The following CADPS variants were observed in gnomAD, a reference collection of about 807,000 sequenced individuals.
CADPS encodes the protein calcium dependent secretion activator.
Under a neutral mutation model 167.3 loss-of-function variants are expected in CADPS, and 57 were observed. The ratio of observed to expected loss-of-function variants is 0.34; its 90% CI spans 0.28 to 0.42. CADPS has a LOEUF of 0.42. Among genes scored for constraint, CADPS ranks in the 20% least tolerant of loss-of-function variants. The probability of loss-of-function intolerance (pLI) is 1.00; values close to 1 mark genes in which losing one functional copy is unlikely to be tolerated. For synonymous variants in CADPS, 676 were observed against 635.3 expected (o/e 1.06, Z -0.96); for missense variants, 1,414 against 1,738.1 (o/e 0.81, Z 3.32).
chr3:62,698,922 T>G (rs13101190), intron 3 of CADPS, among the ~76,000 whole-genome samples: 2 of 151,428 alleles, frequency 1.3e-5, no homozygotes, highest in Non-Finnish European at 2.9e-5. Context: ...TTAAAATTTC[T>G]GACTGATAAT....
chr3:62,869,344 C>T (rs981663905), intron 1 of CADPS, among the ~76,000 whole-genome samples: 6 of 152,072 alleles, frequency 3.9e-5, no homozygotes, highest in African/African-American at 1.2e-4. Context: ...GTCACTCAAC[C>T]TCTTTTTTGA....
rs1459873012 is a variant in CADPS at position 62,596,128 on chromosome 3, CACACACACACACACAT to C, written c.1326-3396_1326-3381del. On this transcript the variant is annotated intron_variant, in intron 6 of 29. Coordinates refer to ENST00000383710, the MANE Select transcript of CADPS (RefSeq NM_003716.4). The stretch of plus-strand genomic sequence containing the variant: ...ACACACACACACACACACACACACA[CACACACACACACACAT>C]ATCCTATTAGTTTTGTCCCTCTGGA... 8.2e-4 allele frequency among the ~76,000 whole-genome samples: 87 copies of C among 105,558 alleles called. 1 individual carries two copies. In the East Asian group the frequency reaches 0.019, roughly 24 times the overall value. The allele number at this position is 105,558 out of a possible 152,430, so 69.3% of individuals were successfully genotyped here.
chr3:62,862,508 C>G (rs2080995714), intron 1 of CADPS, among the ~76,000 whole-genome samples: 1 of 152,094 alleles, frequency 6.6e-6, no homozygotes, highest in African/African-American at 2.4e-5. Flanking sequence ...TGTGCCCTGC[C>G]AAGGTTTAAG....
At chr3:62,681,533 G>A (rs557574393) in intron 3 of CADPS, among the ~76,000 whole-genome samples, 13 of 152,024 alleles carry the variant, frequency 8.6e-5, no homozygotes, top group Non-Finnish European at 1.8e-4. Context: ...CTATCTTGAT[G>A]TTATTATTTG....
At chr3:62,811,860 G>C (rs1288794396) in intron 1 of CADPS, among the ~76,000 whole-genome samples, 1 of 152,158 alleles carries the variant, frequency 6.6e-6, no homozygotes, top group Non-Finnish European at 1.5e-5. Flanking sequence ...CATTATGTGG[G>C]AGTATGAATT....
chr3:62,574,507 G>A (rs1344600846), intron 8 of CADPS, among the ~76,000 whole-genome samples: 1 of 152,152 alleles, frequency 6.6e-6, no homozygotes, highest in Non-Finnish European at 1.5e-5. Context: ...TCAACCTTGT[G>A]CTGCTGATGA....
At chr3:62,457,267 T>A (rs1368002593) in intron 26 of CADPS, among the ~76,000 whole-genome samples, 6 of 152,206 alleles carry the variant, frequency 3.9e-5, no homozygotes, top group Admixed American at 2.0e-4. Flanking sequence ...TTTTACAGAT[T>A]AGGCAACTAA....
intron 26 of CADPS, among the ~76,000 whole-genome samples, chr3:62,456,825 A>G (rs2058741552): frequency 1.3e-5 from 2 of 152,016 alleles, no homozygotes. Flanking sequence ...AGTGTTTGCC[A>G]ATTTCAGTAA....
chr3:62,805,959 C>A (rs1359164477), intron 1 of CADPS, among the ~76,000 whole-genome samples: 1 of 152,140 alleles, frequency 6.6e-6, no homozygotes, highest in African/African-American at 2.4e-5. Context: ...CCTGCCTCTG[C>A]AAACTATGGG....
chr3:62,584,388 C>T (rs2084111013), intron 8 of CADPS, among the ~76,000 whole-genome samples: 1 of 152,198 alleles, frequency 6.6e-6, no homozygotes, highest in South Asian at 2.1e-4. Context: ...ATTAACGAGA[C>T]CTCTCTAGGG....
intron 21 of CADPS, among the ~76,000 whole-genome samples, chr3:62,488,683 T>G (rs1271210929): frequency 6.6e-6 from 1 of 151,562 alleles, no homozygotes; most frequent in East Asian, 1.9e-4. Context: ...AGAGATGGAG[T>G]CTGGTTATGT....
intron 1 of CADPS, among the ~76,000 whole-genome samples, chr3:62,840,578 T>C (rs2076509936): frequency 6.6e-6 from 1 of 152,156 alleles, no homozygotes; most frequent in Non-Finnish European, 1.5e-5. Flanking sequence ...TATATATGTA[T>C]ATATAAAAAA....
At chr3:62,838,231 A>G (rs1293258268) in intron 1 of CADPS, among the ~76,000 whole-genome samples, 1 of 152,180 alleles carries the variant, frequency 6.6e-6, no homozygotes, top group Non-Finnish European at 1.5e-5. Context: ...TGACATGATG[A>G]GGCTTGGAGA....
In CADPS at chr3:62,500,920, A is replaced by G. The variant is rs1422336309; in HGVS notation, c.2600-1652T>C. ...AAATAAATTCAGCGAGACACTATGC[A>G]AGAAGAGTGTTCTAGCAAATGGGAT... On this transcript the variant is annotated intron_variant, in intron 17 of 29. Transcript: ENST00000383710. Among the ~76,000 whole-genome samples, 3 of 152,350 alleles carry G rather than the reference A, an allele frequency of 2.0e-5. No homozygotes were observed. In the East Asian group the frequency reaches 5.8e-4, roughly 29 times the overall value.
chr3:62,498,189 GAA>G, intron 18 of CADPS: 1 of 456,472 alleles, frequency 2.2e-6, no homozygotes, highest in South Asian at 1.5e-5. Context: ...TAAAATAGTA[GAA>G]AAACAGGGAG....
intron 6 of CADPS, among the ~76,000 whole-genome samples, chr3:62,621,141 C>T (rs773556153): frequency 2.0e-5 from 3 of 152,174 alleles, no homozygotes; most frequent in Non-Finnish European, 4.4e-5. Flanking sequence ...AAAGACAAAT[C>T]TCTGGATATG....
At chr3:62,867,923 A>G (rs1323540003) in intron 1 of CADPS, among the ~76,000 whole-genome samples, 1 of 152,104 alleles carries the variant, frequency 6.6e-6, no homozygotes, top group Non-Finnish European at 1.5e-5. Context: ...GTCTAAGATC[A>G]CAGAGCGAGA....
intron 3 of CADPS, among the ~76,000 whole-genome samples, chr3:62,681,344 C>T (rs1217700006): frequency 6.6e-6 from 1 of 152,074 alleles, no homozygotes; most frequent in Non-Finnish European, 1.5e-5. Flanking sequence ...GGTGTGGTCA[C>T]CTGACTGACC....
intron 8 of CADPS, among the ~76,000 whole-genome samples, chr3:62,576,617 C>T (rs1304472140): frequency 1.2e-5 from 1 of 86,540 alleles, no homozygotes; most frequent in Non-Finnish European, 2.3e-5. Context: ...ATGGTGAAGA[C>T]CCATTTCTAC....
Sources: allele counts gnomAD v4.1 joint callset (sites outside exome capture counted in the v4.1 genomes callset), GRCh38; gene constraint gnomAD v4.1.1; transcripts MANE v1.5; gene names NCBI Gene and HGNC (gene_info 2026-07-23, HGNC 2026-07-21).